SPAG17: variants seen among roughly 807,000 people sequenced by gnomAD.
SPAG17 encodes sperm associated antigen 17, also known as sperm-associated antigen 17.
A neutral mutation model predicts 273.6 loss-of-function variants in SPAG17; 169 were observed. The observed-to-expected ratio is 0.62, with a 90% CI of 0.55 to 0.70. SPAG17 has a LOEUF of 0.70. SPAG17 is among the 30% of genes least tolerant of loss of function. The pLI, the probability that SPAG17 is intolerant of heterozygous loss-of-function variation, is 0.00. For synonymous variants in SPAG17, 825 were observed against 873.2 expected (o/e 0.94, Z 0.97); for missense variants, 2,557 against 2,627.8 (o/e 0.97, Z 0.59).
At chr1:118,052,418 T>C (rs1651162587) in intron 20 of SPAG17, among the ~76,000 whole-genome samples, 1 of 151,606 alleles carries the variant, frequency 6.6e-6, no homozygotes, top group African/African-American at 2.4e-5. Flanking sequence ...CGGGAAGATG[T>C]TGGTCAAGGG....
chr1:118,067,749 G>A (rs971572596), intron 17 of SPAG17, among the ~76,000 whole-genome samples: 5 of 152,102 alleles, frequency 3.3e-5, no homozygotes, highest in African/African-American at 4.8e-5. Flanking sequence ...AGAGAGTAAG[G>A]GACTTGTCCA....
intron 20 of SPAG17, among the ~76,000 whole-genome samples, chr1:118,048,031 C>G (rs913471631): frequency 2.6e-5 from 4 of 152,190 alleles, no homozygotes; most frequent in South Asian, 2.1e-4. Flanking sequence ...CAGGTGCAGG[C>G]TGGCTACATG....
intron 26 of SPAG17, among the ~76,000 whole-genome samples, chr1:118,026,842 G>A (rs1449145638): frequency 6.6e-6 from 1 of 152,114 alleles, no homozygotes; most frequent in Non-Finnish European, 1.5e-5. Context: ...TACGATAACT[G>A]TCTTTCCCTA....
intron 43 of SPAG17, among the ~76,000 whole-genome samples, chr1:117,977,360 C>T (rs1450581285): frequency 6.6e-6 from 1 of 152,010 alleles, no homozygotes; most frequent in Non-Finnish European, 1.5e-5. Flanking sequence ...TTTTCTCTTC[C>T]CTACATCAGG....
At chr1:118,128,017 G>A (rs566958010) in intron 3 of SPAG17, among the ~76,000 whole-genome samples, 2 of 152,164 alleles carry the variant, frequency 1.3e-5, no homozygotes, top group Non-Finnish European at 2.9e-5. Flanking sequence ...ACCTACTTGG[G>A]AGGCTGACGC....
At chr1:118,154,870 A>G (rs2102358333) in intron 1 of SPAG17, among the ~76,000 whole-genome samples, 1 of 152,188 alleles carries the variant, frequency 6.6e-6, no homozygotes, top group South Asian at 2.1e-4. Context: ...TAAGTTTAAG[A>G]TAGTTTAAGA....
At chr1:118,098,993 C>A (rs1434356928) in intron 6 of SPAG17, among the ~76,000 whole-genome samples, 1 of 152,078 alleles carries the variant, frequency 6.6e-6, no homozygotes, top group Admixed American at 6.6e-5. Flanking sequence ...AATCTTACAC[C>A]AAATTCTAGT....
At chr1:117,957,953 C>CA (rs1301899262) in intron 48 of SPAG17, among the ~76,000 whole-genome samples, 1 of 152,134 alleles carries the variant, frequency 6.6e-6, no homozygotes, top group Non-Finnish European at 1.5e-5. Context: ...CAAATATGTT[C>CA]ATTAGGCTAT....
chr1:118,074,414 C>T (rs1027434580), intron 16 of SPAG17, 125 bp downstream of exon 16: 1 of 831,306 alleles, frequency 1.2e-6, no homozygotes, highest in Non-Finnish European at 2.0e-6. Context: ...AATAGTTCCT[C>T]TTTTCTAGCC....
intron 32 of SPAG17, among the ~76,000 whole-genome samples, chr1:118,002,666 TC>T: frequency 6.6e-6 from 1 of 152,202 alleles, no homozygotes. Context: ...TTTTTGTCTT[TC>T]CATTTGCTTG....
rs150935416 is a variant in SPAG17 at position 118,158,446 on chromosome 1, T to A, written c.88-7077A>T. On this transcript the variant is annotated intron_variant, in intron 1 of 48. Transcript: ENST00000336338. ...TCATTAGAGATGTGGATCTGCTTAC[T>A]TGGCTTAAAAAATATGAAAATGAAT... Among the ~76,000 whole-genome samples the A allele has an allele frequency of 6.1e-3, 922 of 152,308 alleles. 4 individuals are homozygous for A. Among genetic ancestry groups the A allele is most frequent in the Middle Eastern group, 0.014 (4 of 294 alleles).
intron 48 of SPAG17, 132 bp downstream of exon 48, chr1:117,963,667 A>G: frequency 1.2e-6 from 1 of 854,736 alleles, no homozygotes; most frequent in South Asian, 2.1e-5. Flanking sequence ...CCCGGCCTAA[A>G]CAAATATTTT....
At chr1:117,988,339 A>C (rs1656671959) in intron 38 of SPAG17, 135 bp from the exon 39 acceptor site, 1 of 523,956 alleles carries the variant, frequency 1.9e-6, no homozygotes, top group South Asian at 4.7e-5. Flanking sequence ...TAGGACTTAC[A>C]TGACCAAGCT....
intron 43 of SPAG17, among the ~76,000 whole-genome samples, chr1:117,974,798 T>G (rs1270269269): frequency 6.6e-6 from 1 of 152,138 alleles, no homozygotes; most frequent in Non-Finnish European, 1.5e-5. Flanking sequence ...TTTCCTGCAT[T>G]CAAATCAGGA....
In SPAG17 at chr1:118,040,845, G is replaced by C. The variant is rs1361431593; in HGVS notation, c.3055-4C>G. On this transcript the variant is annotated splice_region_variant and splice_polypyrimidine_tract_variant and intron_variant, in intron 21 of 48. Transcript: ENST00000336338. ...TTCCCATATTGTATCCGTGAAACTA[G>C]AAGAGAAAATATTATGCTTTGAGTG... 2 of 1,526,990 alleles carry C rather than the reference G, an allele frequency of 1.3e-6. No individual in the cohort carries two copies. Among genetic ancestry groups the C allele is most frequent in the Non-Finnish European group, 1.8e-6 (2 of 1,100,160 alleles). 94.6% of individuals were successfully genotyped at this position (1,526,990 alleles called of 1,614,324 possible). A position where few individuals can be genotyped will look rare whatever the true frequency, so the allele number is the denominator to read the frequency against.
chr1:118,118,373 G>A (rs1295732371), intron 3 of SPAG17, among the ~76,000 whole-genome samples: 1 of 152,198 alleles, frequency 6.6e-6, no homozygotes, highest in Non-Finnish European at 1.5e-5. Flanking sequence ...GGGGATGAGA[G>A]ACATAAGAGA....
chr1:118,150,645 A>C lies in SPAG17; in HGVS notation c.229-16T>G. Reference sequence around the variant, plus strand: ...TTTCATTAATCTGTAAGAAAATTAAATTTACTTATGATGAAAAAAGCCTTA... The same window carrying C: ...TTTCATTAATCTGTAAGAAAATTAACTTTACTTATGATGAAAAAAGCCTTA... On this transcript the variant is annotated splice_polypyrimidine_tract_variant and intron_variant, in intron 2 of 48. Transcript: ENST00000336338. 3 of 1,370,696 alleles carry C rather than the reference A, an allele frequency of 2.2e-6. No individual in the cohort carries two copies. The highest frequency in any genetic ancestry group is 3.1e-6 in the Non-Finnish European group (3 of 979,790). The allele number at this position is 1,370,696 out of a possible 1,614,324, so 84.9% of individuals were successfully genotyped here.
intron 18 of SPAG17, among the ~76,000 whole-genome samples, chr1:118,059,161 T>C (rs909872140): frequency 6.6e-6 from 1 of 152,170 alleles, no homozygotes; most frequent in Non-Finnish European, 1.5e-5. Flanking sequence ...TTTAGAAGAA[T>C]TGAAAAAGTT....
At chr1:118,178,386 A>G (rs1660792382) in intron 1 of SPAG17, among the ~76,000 whole-genome samples, 1 of 152,078 alleles carries the variant, frequency 6.6e-6, no homozygotes, top group Non-Finnish European at 1.5e-5. Context: ...ATTTGACAAA[A>G]TTTAACATCC....
Sources: gnomAD v4.1 joint callset for allele counts (sites outside exome capture counted in the v4.1 genomes callset) on GRCh38, gnomAD v4.1.1 for gene constraint, MANE v1.5 for transcripts, NCBI Gene and HGNC (gene_info 2026-07-23, HGNC 2026-07-21) for gene names.